Variants in CFAP210 observed in about 807,000 individuals in gnomAD.
CFAP210 encodes the protein cilia- and flagella- associated protein 210.
chr2:169,652,978 C>G, the CFAP210 span, among the ~76,000 whole-genome samples: 1 of 95,114 alleles, frequency 1.1e-5, no homozygotes, highest in Non-Finnish European at 1.9e-5. Flanking sequence ...CCAGCCTGGG[C>G]GACAGAGCAA....
the CFAP210 span, chr2:169,681,368 C>G: frequency 1.3e-6 from 1 of 746,438 alleles, no homozygotes; most frequent in Non-Finnish European, 2.3e-6. Context: ...ATCCTAAGAA[C>G]AGCTATGATT....
At chr2:169,667,441 A>G in the CFAP210 span, among the ~76,000 whole-genome samples, 1 of 152,044 alleles carries the variant, frequency 6.6e-6, no homozygotes, top group African/African-American at 2.4e-5. Context: ...GCCTGGCCCA[A>G]ATGTTCTTAA....
the CFAP210 span, among the ~76,000 whole-genome samples, chr2:169,685,703 G>C: frequency 1.6e-5 from 2 of 126,020 alleles, no homozygotes; most frequent in African/African-American, 5.1e-5. Flanking sequence ...AAAGATGTAT[G>C]TATAAGTTTT....
the CFAP210 span, among the ~76,000 whole-genome samples, chr2:169,650,069 C>T: frequency 0.016 from 2,366 of 152,178 alleles, 70 homozygotes; most frequent in African/African-American, 0.054. Flanking sequence ...AAAAGTATAA[C>T]AAATAACCTT....
At chr2:169,681,048 G>A in the CFAP210 span, 16 of 1,613,756 alleles carry the variant, frequency 9.9e-6, no homozygotes, top group African/African-American at 2.7e-5. Flanking sequence ...TCTTGAGATC[G>A]CAAATGCATT....
the CFAP210 span, among the ~76,000 whole-genome samples, chr2:169,666,324 G>C: frequency 6.6e-6 from 1 of 151,414 alleles, no homozygotes; most frequent in Non-Finnish European, 1.5e-5. Flanking sequence ...CAAGAAGCTC[G>C]AATTCTAGTG....
the CFAP210 span, among the ~76,000 whole-genome samples, chr2:169,684,132 G>A: frequency 6.6e-6 from 1 of 152,068 alleles, no homozygotes; most frequent in Non-Finnish European, 1.5e-5. Context: ...AGAAGGGCAG[G>A]CCACAGTTGA....
At chr2:169,676,880 C>T in the CFAP210 span, among the ~76,000 whole-genome samples, 4 of 152,266 alleles carry the variant, frequency 2.6e-5, no homozygotes, top group East Asian at 7.7e-4. Flanking sequence ...AAAAATAACC[C>T]TGCCTCTCAG....
chr2:169,652,584 C>T, the CFAP210 span, among the ~76,000 whole-genome samples: 2 of 151,974 alleles, frequency 1.3e-5, no homozygotes, highest in East Asian at 3.9e-4. Context: ...TTGTCCTCCA[C>T]CCTGGGCAAC....
the CFAP210 span, among the ~76,000 whole-genome samples, chr2:169,671,544 C>T: frequency 6.6e-6 from 1 of 152,240 alleles, no homozygotes; most frequent in Non-Finnish European, 1.5e-5. Context: ...TCTTGGCTCA[C>T]TTCAACCTTC....
chr2:169,652,840 CA>C, the CFAP210 span, among the ~76,000 whole-genome samples: 10 of 139,648 alleles, frequency 7.2e-5, no homozygotes, highest in East Asian at 2.1e-4. Context: ...CTAAAAATTA[CA>C]AAAAAAAAAC....
At chr2:169,681,221 G>C in the CFAP210 span, 4 of 1,607,462 alleles carry the variant, frequency 2.5e-6, no homozygotes, top group Non-Finnish European at 3.4e-6. Flanking sequence ...ATCTTCTTCA[G>C]AGTTTCTTAT....
chr2:169,674,450 AC>A, the CFAP210 span: 1 of 743,584 alleles, frequency 1.3e-6, no homozygotes, highest in Non-Finnish European at 2.1e-6. Flanking sequence ...GCGATTTTTA[AC>A]CTCCTTTTTG....
the CFAP210 span, among the ~76,000 whole-genome samples, chr2:169,679,248 C>A: frequency 6.6e-6 from 1 of 152,148 alleles, no homozygotes; most frequent in Admixed American, 6.5e-5. Context: ...ATTTTAGGTT[C>A]AAAGGCTACA....
chr2:169,662,201 AC>A, the CFAP210 span: 1 of 1,434,232 alleles, frequency 7.0e-7, no homozygotes, highest in Non-Finnish European at 9.6e-7. Context: ...ATAAACATGT[AC>A]AAATATATTA....
At chr2:169,657,437 G>T in the CFAP210 span, among the ~76,000 whole-genome samples, 1 of 152,132 alleles carries the variant, frequency 6.6e-6, no homozygotes, top group Non-Finnish European at 1.5e-5. Context: ...AAGAAAAATG[G>T]CTGGGCACAG....
the CFAP210 span, among the ~76,000 whole-genome samples, chr2:169,671,554 C>T: frequency 2.0e-5 from 3 of 152,192 alleles, no homozygotes; most frequent in Non-Finnish European, 2.9e-5. Context: ...CTTCAACCTT[C>T]GCCTCCCAGG....
At chr2:169,649,099 A>G in the CFAP210 span, 1 of 1,230,104 alleles carries the variant, frequency 8.1e-7, no homozygotes, top group Admixed American at 2.9e-5. Flanking sequence ...ACCTGATGAA[A>G]CTGCTTGGGA....
chr2:169,670,369 G>C, the CFAP210 span, among the ~76,000 whole-genome samples: 10 of 152,168 alleles, frequency 6.6e-5, no homozygotes, highest in Non-Finnish European at 1.3e-4. Flanking sequence ...CCCCACAGTA[G>C]CATAGGATAG....
Sources: allele counts gnomAD v4.1 joint callset (sites outside exome capture counted in the v4.1 genomes callset), GRCh38; gene constraint gnomAD v4.1.1; transcripts MANE v1.5; gene names NCBI Gene and HGNC (gene_info 2026-07-23, HGNC 2026-07-21).